MUC7: variants seen among roughly 807,000 people sequenced by gnomAD.
MUC7 encodes mucin-7.
Under a neutral mutation model 2.5 loss-of-function variants are expected in MUC7, and 2 were observed. The observed-to-expected ratio is 0.81, with a 90% CI of 0.33 to 2.55. The LOEUF (loss-of-function observed/expected upper bound fraction) is 2.55, where lower values mean the gene tolerates loss of function less well. MUC7 is among the 30% of genes most tolerant of loss of function. MUC7 has a pLI of 0.11. For synonymous variants in MUC7, 133 were observed against 173.4 expected (o/e 0.77, Z 1.83); for missense variants, 408 against 455.6 (o/e 0.90, Z 0.95).
In MUC7 at chr4:70,481,881, T is replaced by C; in HGVS notation, c.*3T>C. The C allele has an allele frequency of 6.2e-7, 1 of 1,611,964 alleles. No individual in the cohort carries two copies. Among genetic ancestry groups the C allele is most frequent in the Non-Finnish European group, 8.5e-7 (1 of 1,179,010 alleles). Reference sequence around the variant, plus strand: ...TTGACGACATGGTGGAGCAATAGTATATTGTATGTTGTAAAGTGTTCTGTC... The same window carrying C: ...TTGACGACATGGTGGAGCAATAGTACATTGTATGTTGTAAAGTGTTCTGTC... On this transcript the variant is annotated 3_prime_UTR_variant, in exon 3 of 3. Coordinates refer to ENST00000304887, the MANE Select transcript of MUC7 (RefSeq NM_152291.3).
At chr4:70,479,935 G>A (rs7661930) in intron 2 of MUC7, among the ~76,000 whole-genome samples, 4 of 152,216 alleles carry the variant, frequency 2.6e-5, no homozygotes, top group East Asian at 1.9e-4. Context: ...TCTACCAGGC[G>A]GCCTTAGGAA....
chr4:70,431,490 G>T (rs1013064184), intron 1 of MUC7, among the ~76,000 whole-genome samples: 24 of 151,512 alleles, frequency 1.6e-4, no homozygotes, highest in African/African-American at 1.7e-4. Context: ...GGTTTTTTTT[G>T]GGGGGGTGGG....
At position 70,430,828 on chromosome 4, in the gene MUC7, G is replaced by A. The variant is rs137969872; in HGVS notation, c.-93+141G>A. ...AAATGTTCTTCTAGATTAAAATATG[G>A]TTAGTAATGCTATTTTATTTTTCTA... is the stretch of plus-strand genomic sequence containing the variant. On this transcript the variant is annotated intron_variant, in intron 1 of 3. Coordinates refer to the MUC7 transcript ENST00000413702. 338 of 152,110 alleles carry A rather than the reference G, an allele frequency of 2.2e-3. 1 individual carries two copies. Among genetic ancestry groups the A allele is most frequent in the African/African-American group, 7.3e-3 (304 of 41,514 alleles). 9.4% of individuals were successfully genotyped at this position (152,110 alleles called of 1,614,324 possible). A position where few individuals can be genotyped will look rare whatever the true frequency, so the allele number is the denominator to read the frequency against.
chr4:70,463,704 G>A (rs881730), intron 1 of MUC7, among the ~76,000 whole-genome samples: 82,114 of 151,906 alleles, frequency 0.54, 22,528 homozygotes, highest in East Asian at 0.78. Context: ...TGTAATTGGC[G>A]TATACCATCA....
At chr4:70,463,704 G>T (rs881730) in intron 1 of MUC7, among the ~76,000 whole-genome samples, 2 of 151,864 alleles carry the variant, frequency 1.3e-5, no homozygotes, top group Non-Finnish European at 2.9e-5. Context: ...TGTAATTGGC[G>T]TATACCATCA....
intron 1 of MUC7, among the ~76,000 whole-genome samples, chr4:70,464,968 C>A (rs1734645772): frequency 6.6e-6 from 1 of 152,194 alleles, no homozygotes; most frequent in Non-Finnish European, 1.5e-5. Context: ...CACCTCCCAG[C>A]AGGGTTCGGC....
chr4:70,455,607 A>G (rs17148946), intron 1 of MUC7, among the ~76,000 whole-genome samples: 12,958 of 152,164 alleles, frequency 0.085, 681 homozygotes, highest in African/African-American at 0.14. Context: ...AAAACGTGTA[A>G]CAAGATTAAA....
In MUC7 at chr4:70,460,799, A is replaced by G. The variant is rs186111729; in HGVS notation, c.-92-11416A>G. 9.9e-4 allele frequency among the ~76,000 whole-genome samples: 151 copies of G among 152,272 alleles called. No individual in the cohort carries two copies. The Middle Eastern group carries it at 0.01, about 10-fold the overall frequency. ...CAGTGGAGGTTTCTGGGATGTTGTCATATGGGGGCTGTGGTTCCCAGGGAA... is the reference window on the plus strand; with the variant it reads ...CAGTGGAGGTTTCTGGGATGTTGTCGTATGGGGGCTGTGGTTCCCAGGGAA... On this transcript the variant is annotated intron_variant, in intron 1 of 3. Transcript: ENST00000413702.
intron 1 of MUC7, among the ~76,000 whole-genome samples, chr4:70,463,316 T>A (rs544729756): frequency 6.6e-6 from 1 of 152,338 alleles, no homozygotes; most frequent in African/African-American, 2.4e-5. Flanking sequence ...CATAAGACAA[T>A]CTGGAAAATC....
chr4:70,455,906 G>A lies in MUC7; in HGVS notation c.-92-16309G>A, dbSNP rs117081452. ...GGTCACCCTTCACCACCCTCTTCTT[G>A]TGCCTCCCTATAGTACTCTTACCCC... On this transcript the variant is annotated intron_variant, in intron 1 of 3. Transcript: ENST00000413702. Among the ~76,000 whole-genome samples, 91 of 152,150 alleles carry A rather than the reference G, an allele frequency of 6.0e-4. No individual in the cohort carries two copies. The East Asian group carries it at 0.014, about 23-fold the overall frequency.
At chr4:70,474,955 C>G (rs1734951298) in intron 2 of MUC7, among the ~76,000 whole-genome samples, 1 of 152,076 alleles carries the variant, frequency 6.6e-6, no homozygotes, top group Admixed American at 6.6e-5. Flanking sequence ...TCTACTATAT[C>G]TTCTGCTGGA....
intron 1 of MUC7, among the ~76,000 whole-genome samples, chr4:70,446,563 A>G (rs1045048432): frequency 2.6e-5 from 4 of 152,166 alleles, no homozygotes; most frequent in African/African-American, 9.7e-5. Flanking sequence ...GTTATATTGG[A>G]TTAGGAGCCC....
At chr4:70,468,104 A>G (rs1734727261), upstream of MUC7, among the ~76,000 whole-genome samples, 1 of 152,228 alleles carries the variant, frequency 6.6e-6, no homozygotes, top group Non-Finnish European at 1.5e-5. Flanking sequence ...GGTTCAACAT[A>G]CGCAAATCAA....
chr4:70,457,626 A>G (rs1015460688), intron 1 of MUC7, among the ~76,000 whole-genome samples: 8 of 152,148 alleles, frequency 5.3e-5, no homozygotes, highest in African/African-American at 1.9e-4. Flanking sequence ...AAAATTTAGC[A>G]ATAAAAACTG....
At position 70,482,090 on chromosome 4, in the gene MUC7, G is replaced by T; in HGVS notation, c.*212G>T. On this transcript the variant is annotated 3_prime_UTR_variant, in exon 3 of 3. Transcript: ENST00000304887. ...CCCACAAGCCAGATGCAGGTCTGGG[G>T]TTCAAAATAACTCTTTGGATCCTAC... 2 of 608,000 alleles carry T rather than the reference G, an allele frequency of 3.3e-6. No homozygotes were observed. The highest frequency in any genetic ancestry group is 5.5e-6 in the Non-Finnish European group (2 of 361,252). The allele number at this position is 608,000 out of a possible 1,614,324, so 37.7% of individuals were successfully genotyped here. A position where few individuals can be genotyped will look rare whatever the true frequency, so the allele number is the denominator to read the frequency against.
At chr4:70,449,205 T>A (rs752475618) in intron 1 of MUC7, among the ~76,000 whole-genome samples, 1 of 152,184 alleles carries the variant, frequency 6.6e-6, no homozygotes, top group Non-Finnish European at 1.5e-5. Flanking sequence ...TCTTCTGTAT[T>A]AGTCTGTTTT....
intron 1 of MUC7, among the ~76,000 whole-genome samples, chr4:70,467,051 C>A (rs1400268752): frequency 6.6e-6 from 1 of 152,196 alleles, no homozygotes; most frequent in Non-Finnish European, 1.5e-5. Flanking sequence ...GAAATCATAA[C>A]AAACAGTCTC....
chr4:70,439,375 A>G (rs370585492), intron 1 of MUC7, among the ~76,000 whole-genome samples: 1 of 152,094 alleles, frequency 6.6e-6, no homozygotes, highest in Non-Finnish European at 1.5e-5. Context: ...TCAGAAGTCA[A>G]TGGGATCCCA....
chr4:70,455,816 G>A (rs1460835409), intron 1 of MUC7, among the ~76,000 whole-genome samples: 1 of 152,090 alleles, frequency 6.6e-6, no homozygotes. Flanking sequence ...CAAAGGAGCA[G>A]TGCCTTATAT....
Sources: gnomAD v4.1 joint callset for allele counts (sites outside exome capture counted in the v4.1 genomes callset) on GRCh38, gnomAD v4.1.1 for gene constraint, MANE v1.5 for transcripts, NCBI Gene and HGNC (gene_info 2026-07-23, HGNC 2026-07-21) for gene names.